Variants in OXR1 observed in about 807,000 individuals in gnomAD.
The protein encoded by OXR1 is oxidation resistance protein 1.
In OXR1, 41 loss-of-function variants were observed where a neutral mutation model predicts 104.6. The observed-to-expected ratio is 0.39, with a 90% CI of 0.31 to 0.51. OXR1 has a LOEUF of 0.51. OXR1 is among the 20% of genes least tolerant of loss of function. The pLI is 0.77. For missense variants in OXR1, 955 were observed against 1,031.9 expected, an observed-to-expected ratio of 0.93 and a Z score of 1.02; for synonymous variants, 348 against 348.4, an observed-to-expected ratio of 1.00 and a Z score of 0.01.
intron 1 of OXR1, among the ~76,000 whole-genome samples, chr8:106,341,754 G>A (rs1300494709): frequency 2.0e-5 from 3 of 151,774 alleles, no homozygotes; most frequent in Non-Finnish European, 4.4e-5. Context: ...TCCCATTTCT[G>A]TATTTAAAAA....
At chr8:106,475,799 A>G (rs975681329) in intron 2 of OXR1, among the ~76,000 whole-genome samples, 1 of 151,874 alleles carries the variant, frequency 6.6e-6, no homozygotes, top group African/African-American at 2.4e-5. Flanking sequence ...ATCTCCATCA[A>G]GTTGTCTTCT....
At chr8:106,359,272 T>G (rs1215008949) in intron 1 of OXR1, among the ~76,000 whole-genome samples, 1 of 152,104 alleles carries the variant, frequency 6.6e-6, no homozygotes, top group Non-Finnish European at 1.5e-5. Context: ...GTTCAGATGG[T>G]TTTAAAAGTA....
intron 1 of OXR1, among the ~76,000 whole-genome samples, chr8:106,273,361 T>C (rs1318586662): frequency 6.6e-6 from 1 of 152,228 alleles, no homozygotes; most frequent in African/African-American, 2.4e-5. Flanking sequence ...TCTCTCACTT[T>C]AGGGATAGAT....
intron 1 of OXR1, among the ~76,000 whole-genome samples, chr8:106,307,887 T>C (rs1320283171): frequency 6.6e-6 from 1 of 152,112 alleles, no homozygotes; most frequent in African/African-American, 2.4e-5. Flanking sequence ...GCAGTGATTA[T>C]CATATGTCCA....
At chr8:106,459,910 T>C (rs1453210) in intron 2 of OXR1, among the ~76,000 whole-genome samples, 16,909 of 152,210 alleles carry the variant, frequency 0.11, 3,181 homozygotes, top group African/African-American at 0.39. Context: ...CCAGCACATG[T>C]TACAATCAAG....
At chr8:106,462,368 T>C (rs1820959119) in intron 2 of OXR1, among the ~76,000 whole-genome samples, 1 of 152,216 alleles carries the variant, frequency 6.6e-6, no homozygotes. Context: ...AATTGCTCTT[T>C]CTGCATTGAA....
At chr8:106,494,762 A>C in intron 2 of OXR1, among the ~76,000 whole-genome samples, 1 of 152,230 alleles carries the variant, frequency 6.6e-6, no homozygotes, top group East Asian at 1.9e-4. Flanking sequence ...AAGCTGTTAG[A>C]TGACAGCAGA....
At chr8:106,598,247 C>A (rs1472991106) in intron 3 of OXR1, among the ~76,000 whole-genome samples, 1 of 152,114 alleles carries the variant, frequency 6.6e-6, no homozygotes, top group East Asian at 1.9e-4. Context: ...TTTTCTTGAC[C>A]TTTCAAGATG....
At chr8:106,681,946 G>A (rs1828196993) in intron 4 of OXR1, among the ~76,000 whole-genome samples, 5 of 152,174 alleles carry the variant, frequency 3.3e-5, no homozygotes, top group Admixed American at 3.3e-4. Flanking sequence ...CCACAAATAT[G>A]TTATGCTTTT....
chr8:106,358,723 T>C (rs1035133850), intron 1 of OXR1, among the ~76,000 whole-genome samples: 14 of 152,142 alleles, frequency 9.2e-5, no homozygotes, highest in African/African-American at 3.4e-4. Flanking sequence ...TCAAAATACA[T>C]GTGTGGAGAT....
intron 2 of OXR1, among the ~76,000 whole-genome samples, chr8:106,362,259 G>C (rs951616360): frequency 6.6e-6 from 1 of 152,038 alleles, no homozygotes; most frequent in Admixed American, 6.6e-5. Context: ...CTATGACATC[G>C]TATTAGTTGA....
At chr8:106,586,413 C>T (rs773681871) in intron 3 of OXR1, among the ~76,000 whole-genome samples, 4 of 152,176 alleles carry the variant, frequency 2.6e-5, no homozygotes, top group African/African-American at 9.7e-5. Flanking sequence ...ACCTCACATA[C>T]AGTGGGAACA....
At chr8:106,426,645 T>C (rs1819132522) in intron 2 of OXR1, among the ~76,000 whole-genome samples, 1 of 152,184 alleles carries the variant, frequency 6.6e-6, no homozygotes, top group South Asian at 2.1e-4. Context: ...GAATTTGAGC[T>C]TCACTTAGTT....
chr8:106,479,768 G>A (rs943571076), intron 2 of OXR1, among the ~76,000 whole-genome samples: 1 of 151,996 alleles, frequency 6.6e-6, no homozygotes, highest in African/African-American at 2.4e-5. Context: ...ATTCACATCT[G>A]TTTTATTCTT....
chr8:106,449,226 C>A (rs1820182405), intron 2 of OXR1, among the ~76,000 whole-genome samples: 1 of 152,148 alleles, frequency 6.6e-6, no homozygotes, highest in Non-Finnish European at 1.5e-5. Flanking sequence ...TCACTTTTGA[C>A]TCTTCGTTTA....
intron 2 of OXR1, among the ~76,000 whole-genome samples, chr8:106,430,027 C>T (rs1819295567): frequency 6.6e-6 from 1 of 151,224 alleles, no homozygotes; most frequent in South Asian, 2.1e-4. Flanking sequence ...TTTCTGTAGC[C>T]TGTGTGTGTG....
At chr8:106,403,546 T>C (rs1283251196) in intron 2 of OXR1, among the ~76,000 whole-genome samples, 1 of 152,228 alleles carries the variant, frequency 6.6e-6, no homozygotes, top group Non-Finnish European at 1.5e-5. Flanking sequence ...AAAATGTATA[T>C]CTTCTGGATT....
At chr8:106,408,385 T>C (rs1406344371) in intron 2 of OXR1, among the ~76,000 whole-genome samples, 1 of 152,168 alleles carries the variant, frequency 6.6e-6, no homozygotes, top group Admixed American at 6.5e-5. Flanking sequence ...TACATTGGCA[T>C]CAGTTCTTTG....
At chr8:106,332,067 C>T (rs965722206) in intron 1 of OXR1, among the ~76,000 whole-genome samples, 1 of 149,298 alleles carries the variant, frequency 6.7e-6, no homozygotes, top group Admixed American at 6.7e-5. Flanking sequence ...TCCCCATCCT[C>T]AGCATACTAG....
Sources: gnomAD v4.1 joint callset for allele counts (sites outside exome capture counted in the v4.1 genomes callset) on GRCh38, gnomAD v4.1.1 for gene constraint, MANE v1.5 for transcripts, NCBI Gene and HGNC (gene_info 2026-07-23, HGNC 2026-07-21) for gene names.